The following SPMAP2L variants were observed in gnomAD, a reference collection of about 807,000 sequenced individuals.
SPMAP2L encodes the protein sperm microtubule associated protein 2 like.
the SPMAP2L span, among the ~76,000 whole-genome samples, chr4:56,608,569 C>T: frequency 6.6e-6 from 1 of 152,170 alleles, no homozygotes; most frequent in Non-Finnish European, 1.5e-5. Flanking sequence ...ACCTTGGGGC[C>T]CACTTCCTAG....
the SPMAP2L span, chr4:56,594,123 T>A: frequency 6.2e-7 from 1 of 1,608,178 alleles, no homozygotes. Context: ...CGGATCTTTG[T>A]TTGTGAGTCA....
the SPMAP2L span, among the ~76,000 whole-genome samples, chr4:56,533,848 G>A: frequency 6.6e-6 from 1 of 151,678 alleles, no homozygotes; most frequent in East Asian, 1.9e-4. Context: ...GTTACTGGTA[G>A]ACTGAGGCAG....
At chr4:56,592,577 A>C in the SPMAP2L span, among the ~76,000 whole-genome samples, 1 of 152,144 alleles carries the variant, frequency 6.6e-6, no homozygotes, top group Admixed American at 6.5e-5. Flanking sequence ...CGCAGCCGCC[A>C]CCCGGGGGAC....
chr4:56,548,854 G>T, the SPMAP2L span: 1 of 1,415,988 alleles, frequency 7.1e-7, no homozygotes, highest in African/African-American at 1.5e-5. Context: ...TATTTTCACA[G>T]ACCTAAACTA....
the SPMAP2L span, among the ~76,000 whole-genome samples, chr4:56,540,004 G>A: frequency 3.9e-5 from 6 of 152,158 alleles, no homozygotes; most frequent in Non-Finnish European, 8.8e-5. Context: ...AAATGAATGG[G>A]TAAAGTCAGC....
the SPMAP2L span, among the ~76,000 whole-genome samples, chr4:56,587,287 T>C: frequency 1.3e-5 from 2 of 152,072 alleles, no homozygotes; most frequent in African/African-American, 4.8e-5. Flanking sequence ...GATTGATTGA[T>C]TGATTGATTT....
chr4:56,564,166 C>T, the SPMAP2L span, among the ~76,000 whole-genome samples: 79 of 147,284 alleles, frequency 5.4e-4, no homozygotes, highest in Non-Finnish European at 9.9e-4. Flanking sequence ...CATGGTCTCA[C>T]TCTGTCACCC....
the SPMAP2L span, among the ~76,000 whole-genome samples, chr4:56,579,109 A>G: frequency 6.6e-6 from 1 of 152,224 alleles, no homozygotes; most frequent in South Asian, 2.1e-4. Context: ...GAAACCAACT[A>G]TATCTAACAC....
chr4:56,574,048 G>C, the SPMAP2L span, among the ~76,000 whole-genome samples: 1 of 152,232 alleles, frequency 6.6e-6, no homozygotes, highest in African/African-American at 2.4e-5. Flanking sequence ...ATTGGGTCTG[G>C]GGGGGTAGTC....
chr4:56,603,293 C>A, the SPMAP2L span: 1 of 1,534,314 alleles, frequency 6.5e-7, no homozygotes, highest in African/African-American at 1.4e-5. Flanking sequence ...CTCAAAGGAT[C>A]TGGGAGTTGT....
the SPMAP2L span, among the ~76,000 whole-genome samples, chr4:56,600,260 T>A: frequency 1.1e-4 from 17 of 151,972 alleles, no homozygotes; most frequent in Non-Finnish European, 1.9e-4. Flanking sequence ...AGCCTAAGTA[T>A]TATTTTTAGC....
At chr4:56,610,739 C>T in the SPMAP2L span, among the ~76,000 whole-genome samples, 1 of 151,854 alleles carries the variant, frequency 6.6e-6, no homozygotes, top group South Asian at 2.1e-4. Flanking sequence ...CTACAATGAA[C>T]TCAAATCAGT....
the SPMAP2L span, chr4:56,594,149 G>A: frequency 6.2e-7 from 1 of 1,611,846 alleles, no homozygotes; most frequent in East Asian, 2.2e-5. Flanking sequence ...AGAACTGGTT[G>A]CTGAAAGCAT....
the SPMAP2L span, among the ~76,000 whole-genome samples, chr4:56,565,638 A>G: frequency 2.8e-4 from 42 of 152,326 alleles, no homozygotes; most frequent in African/African-American, 8.4e-4. Flanking sequence ...TTCAGGTAGA[A>G]AATTATTTAA....
the SPMAP2L span, among the ~76,000 whole-genome samples, chr4:56,606,227 G>A: frequency 6.6e-6 from 1 of 152,190 alleles, no homozygotes; most frequent in Non-Finnish European, 1.5e-5. Flanking sequence ...CAAGTAGTGG[G>A]AACATATGTT....
chr4:56,600,851 T>C, the SPMAP2L span: 1 of 1,335,586 alleles, frequency 7.5e-7, no homozygotes, highest in Non-Finnish European at 1.0e-6. Context: ...GAAATGATTG[T>C]GACTTAAGTA....
chr4:56,531,472 T>C, the SPMAP2L span, among the ~76,000 whole-genome samples: 1 of 152,200 alleles, frequency 6.6e-6, no homozygotes, highest in Non-Finnish European at 1.5e-5. Flanking sequence ...TTCATTCGCC[T>C]CTACAGTTAG....
chr4:56,622,175 A>AT, the SPMAP2L span, among the ~76,000 whole-genome samples: 2 of 152,334 alleles, frequency 1.3e-5, no homozygotes, highest in African/African-American at 2.4e-5. Context: ...AAGCCTATTA[A>AT]TTTTTTTACA....
At chr4:56,592,974 A>G in the SPMAP2L span, 1 of 1,604,932 alleles carries the variant, frequency 6.2e-7, no homozygotes, top group Non-Finnish European at 8.5e-7. Context: ...AGACCCTTGA[A>G]AATGGAAGAC....
Sources: gnomAD v4.1 joint callset for allele counts (sites outside exome capture counted in the v4.1 genomes callset) on GRCh38, gnomAD v4.1.1 for gene constraint, MANE v1.5 for transcripts, NCBI Gene and HGNC (gene_info 2026-07-23, HGNC 2026-07-21) for gene names.